Variants in RUNX1T1 observed in about 807,000 individuals in gnomAD.
RUNX1T1 encodes the protein RUNX1 partner transcriptional co-repressor 1.
RUNX1T1 carries 4 observed loss-of-function variants against 62.8 expected under a neutral mutation model. The observed-to-expected ratio is 0.06, with a 90% CI of 0.03 to 0.15. RUNX1T1 has a LOEUF of 0.15. RUNX1T1 is among the 10% of genes least tolerant of loss of function. RUNX1T1 has a pLI of 1.00. For missense variants in RUNX1T1, 508 were observed against 754.3 expected (o/e 0.67, Z 3.82); for synonymous variants, 291 against 286.0 (o/e 1.02, Z -0.18).
intron 1 of RUNX1T1, among the ~76,000 whole-genome samples, chr8:92,019,734 G>A (rs1164334144): frequency 6.6e-6 from 1 of 152,022 alleles, no homozygotes. Context: ...TTTTAAGTTT[G>A]TATTTAAGAT....
intron 1 of RUNX1T1, among the ~76,000 whole-genome samples, chr8:92,055,505 G>A (rs188204592): frequency 2.8e-4 from 42 of 152,132 alleles, no homozygotes; most frequent in African/African-American, 9.6e-4. Context: ...GTCATGGGGC[G>A]ATCATAGCTC....
At chr8:92,081,935 G>A (rs1364538216) in intron 1 of RUNX1T1, among the ~76,000 whole-genome samples, 2 of 152,066 alleles carry the variant, frequency 1.3e-5, no homozygotes, top group South Asian at 2.1e-4. Flanking sequence ...GCCCAGGCTG[G>A]AGTGAAGTGG....
At chr8:92,020,390 T>C (rs1823850724) in intron 1 of RUNX1T1, among the ~76,000 whole-genome samples, 2 of 152,250 alleles carry the variant, frequency 1.3e-5, no homozygotes, top group Admixed American at 6.5e-5. Flanking sequence ...TTAGAGGACA[T>C]GGTAAAACCA....
intron 1 of RUNX1T1, among the ~76,000 whole-genome samples, chr8:92,030,377 C>T (rs1826003961): frequency 6.6e-6 from 1 of 152,144 alleles, no homozygotes. Flanking sequence ...GAACGTATCA[C>T]ATTGCCAAGT....
At chr8:91,989,167 T>C (rs955511731) in intron 6 of RUNX1T1, among the ~76,000 whole-genome samples, 1 of 152,166 alleles carries the variant, frequency 6.6e-6, no homozygotes, top group Non-Finnish European at 1.5e-5. Flanking sequence ...TATAAACTAA[T>C]GCTGCTAAGA....
chr8:92,080,705 T>C (rs1269722784), intron 1 of RUNX1T1, among the ~76,000 whole-genome samples: 1 of 152,244 alleles, frequency 6.6e-6, no homozygotes, highest in African/African-American at 2.4e-5. Context: ...ACAATGCCCA[T>C]ACCCAGTGCC....
exon 8 of RUNX1T1, chr8:91,986,172 T>C (rs755103537): frequency 4.3e-6 from 7 of 1,614,158 alleles, no homozygotes; most frequent in Middle Eastern, 1.7e-4. Context: ...CTAGAGTGGC[T>C]GCTGCTACTG....
At chr8:92,011,267 T>C (rs1020837580) in intron 3 of RUNX1T1, among the ~76,000 whole-genome samples, 176 bp from the exon 5 acceptor site, 43 of 152,346 alleles carry the variant, frequency 2.8e-4, no homozygotes, top group African/African-American at 1.0e-3. Flanking sequence ...CACAGTTTAT[T>C]GCATCACTCA....
At chr8:91,985,980 A>G in intron 8 of RUNX1T1, 144 bp downstream of exon 9, 4 of 691,402 alleles carry the variant, frequency 5.8e-6, no homozygotes, top group Non-Finnish European at 7.6e-6. Flanking sequence ...CCTAACAGAT[A>G]GACAAGACAT....
intron 1 of RUNX1T1, among the ~76,000 whole-genome samples, chr8:92,035,431 G>A (rs962759314): frequency 6.6e-6 from 1 of 151,736 alleles, no homozygotes; most frequent in African/African-American, 2.4e-5. Flanking sequence ...TAAAAGCCTC[G>A]GCTTTACCAC....
chr8:92,017,465 A>G, intron 1 of RUNX1T1, 102 bp from the exon 3 acceptor site: 1 of 1,584,950 alleles, frequency 6.3e-7, no homozygotes, highest in Admixed American at 1.8e-5. Flanking sequence ...AAGAAATTCA[A>G]CATCTTCTAT....
intron 10 of RUNX1T1, among the ~76,000 whole-genome samples, chr8:91,964,353 G>A (rs530248858): frequency 3.3e-4 from 50 of 152,144 alleles, no homozygotes; most frequent in African/African-American, 1.2e-3. Flanking sequence ...GTCTCTCCAG[G>A]TCTTACATAT....
intron 1 of RUNX1T1, among the ~76,000 whole-genome samples, chr8:92,036,577 C>G (rs1827454333): frequency 6.6e-6 from 1 of 152,180 alleles, no homozygotes; most frequent in African/African-American, 2.4e-5. Flanking sequence ...ATCAACACAG[C>G]ACCTTTGAAT....
At chr8:92,076,099 G>C (rs778410007) in exon 2 of RUNX1T1, 18 of 1,586,722 alleles carry the variant, frequency 1.1e-5, no homozygotes, top group Non-Finnish European at 1.5e-5. Context: ...TTCTGACTGG[G>C]ACAGAGATTA....
In RUNX1T1 at chr8:92,090,279, G is replaced by C. The variant is rs574664860; in HGVS notation, c.-86+9301C>G. On this transcript the variant is annotated intron_variant, in intron 1 of 11. Coordinates refer to the RUNX1T1 transcript ENST00000265814. ...TTCCAGCAGTAAAGGTGGTGTACAA[G>C]TCCTCTAACCTTATCTTAAGAGGTA... Among the ~76,000 whole-genome samples, 8 of 150,910 alleles carry C rather than the reference G, an allele frequency of 5.3e-5. No individual in the cohort carries two copies. The East Asian group carries it at 1.4e-3, about 26-fold the overall frequency.
At chr8:91,976,061 C>T in intron 8 of RUNX1T1, 88 bp from the exon 10 acceptor site, 1 of 899,508 alleles carries the variant, frequency 1.1e-6, no homozygotes, top group Non-Finnish European at 1.8e-6. Flanking sequence ...GTAAGCAATG[C>T]CCATTCTCCT....
At chr8:91,989,808 A>G (rs546755342) in intron 6 of RUNX1T1, among the ~76,000 whole-genome samples, 7 of 152,350 alleles carry the variant, frequency 4.6e-5, no homozygotes, top group Admixed American at 4.6e-4. Flanking sequence ...TGGGGTTAAA[A>G]TATCAATCCA....
chr8:92,052,378 G>A (rs1830371586), intron 1 of RUNX1T1, among the ~76,000 whole-genome samples: 1 of 151,978 alleles, frequency 6.6e-6, no homozygotes, highest in Admixed American at 6.6e-5. Flanking sequence ...TTAGCTGTGT[G>A]GGCATCTGAA....
At chr8:91,979,401 T>C (rs1814700378) in intron 8 of RUNX1T1, among the ~76,000 whole-genome samples, 1 of 152,172 alleles carries the variant, frequency 6.6e-6, no homozygotes, top group Non-Finnish European at 1.5e-5. Context: ...ACCCGTTAAC[T>C]CTTAAGTACC....
Sources: allele counts gnomAD v4.1 joint callset (sites outside exome capture counted in the v4.1 genomes callset), GRCh38; gene constraint gnomAD v4.1.1; transcripts MANE v1.5; gene names NCBI Gene and HGNC (gene_info 2026-07-23, HGNC 2026-07-21).